SPATA22: variants seen among roughly 807,000 people sequenced by gnomAD.
SPATA22 encodes spermatogenesis-associated protein 22.
In SPATA22, 29 loss-of-function variants were observed where a neutral mutation model predicts 47.8. That is an observed-to-expected ratio of 0.61 (90% CI 0.45 to 0.83). SPATA22 has a LOEUF of 0.83. SPATA22 is among the 40% of genes least tolerant of loss of function. The pLI, the probability that SPATA22 is intolerant of heterozygous loss-of-function variation, is 0.00. For missense variants in SPATA22, 410 were observed against 421.7 expected, an observed-to-expected ratio of 0.97 and a Z score of 0.24; for synonymous variants, 133 against 140.9, an observed-to-expected ratio of 0.94 and a Z score of 0.40.
At chr17:3,458,719 T>C (rs1461256145) in intron 5 of SPATA22, among the ~76,000 whole-genome samples, 1 of 151,922 alleles carries the variant, frequency 6.6e-6, no homozygotes, top group Non-Finnish European at 1.5e-5. Flanking sequence ...CACATGCCTA[T>C]AATCCCAGTT....
upstream of SPATA22, chr17:3,475,859 C>T (rs186317878): frequency 2.2e-5 from 8 of 367,194 alleles, no homozygotes; most frequent in Admixed American, 1.7e-4. Flanking sequence ...TAATTTATTA[C>T]TGTATTTAGA....
At chr17:3,465,432 T>A (rs1424746922) in intron 3 of SPATA22, among the ~76,000 whole-genome samples, 1 of 152,054 alleles carries the variant, frequency 6.6e-6, no homozygotes, top group Non-Finnish European at 1.5e-5. Context: ...TGTTCTGTAC[T>A]AAGAAAAATT....
At chr17:3,459,472 C>G (rs146139053) in intron 5 of SPATA22, among the ~76,000 whole-genome samples, 6,648 of 152,222 alleles carry the variant, frequency 0.044, 285 homozygotes, top group East Asian at 0.11. Flanking sequence ...GTGGCAGGAT[C>G]TCAGCTCACT....
At position 3,507,201 on chromosome 17, in the gene SPATA22, T is replaced by C. The variant is rs532106863; in HGVS notation, c.-74+6211A>G. 9.7e-4 allele frequency among the ~76,000 whole-genome samples: 147 copies of C among 152,222 alleles called. 1 individual carries two copies. Among genetic ancestry groups the C allele is most frequent in the African/African-American group, 3.5e-3 (144 of 41,534 alleles). On this transcript the variant is annotated intron_variant, in intron 1 of 8. Transcript: ENST00000541913. ...ATGGTGGGGTCACAGGTTTAAGAAGTATGATGGTTTTGAAATAACAAAATA... is the reference window on the plus strand; with the variant it reads ...ATGGTGGGGTCACAGGTTTAAGAAGCATGATGGTTTTGAAATAACAAAATA...
chr17:3,492,076 C>A (rs2073835841), intron 1 of SPATA22, among the ~76,000 whole-genome samples: 1 of 151,980 alleles, frequency 6.6e-6, no homozygotes, highest in East Asian at 1.9e-4. Context: ...AGGGTTTTGC[C>A]ACGTTGCCCA....
intron 1 of SPATA22, among the ~76,000 whole-genome samples, chr17:3,506,809 C>T (rs1385526816): frequency 6.6e-6 from 1 of 152,062 alleles, no homozygotes; most frequent in Non-Finnish European, 1.5e-5. Context: ...GGCTTGGTGG[C>T]GGGTGCCTGT....
chr17:3,465,404 A>C (rs1367602719), intron 3 of SPATA22, among the ~76,000 whole-genome samples: 8 of 151,852 alleles, frequency 5.3e-5, no homozygotes, highest in Admixed American at 1.3e-4. Context: ...AGAAGTAGAC[A>C]TGGGAGACTT....
At chr17:3,462,348 T>C (rs1351969273) in intron 5 of SPATA22, 135 bp downstream of exon 5, 3 of 614,146 alleles carry the variant, frequency 4.9e-6, no homozygotes, top group Non-Finnish European at 8.5e-6. Flanking sequence ...AATACTGCCA[T>C]AGTTGTTATT....
At chr17:3,458,465 A>ACTT (rs2073045707) in intron 5 of SPATA22, among the ~76,000 whole-genome samples, 1 of 152,166 alleles carries the variant, frequency 6.6e-6, no homozygotes, top group African/African-American at 2.4e-5. Context: ...TAACAATTCC[A>ACTT]CTTCTGGATG....
Position 3,440,075 on chromosome 17 carries a change from A to G in SPATA22, c.*72T>C. 1.0e-6 allele frequency: 1 copy of G among 984,726 alleles called. No individual in the cohort carries two copies. Among genetic ancestry groups the G allele is most frequent in the Non-Finnish European group, 1.4e-6 (1 of 694,954 alleles). 61.0% of individuals were successfully genotyped at this position (984,726 alleles called of 1,614,324 possible). On this transcript the variant is annotated 3_prime_UTR_variant, in exon 9 of 9. Coordinates refer to ENST00000572969, the MANE Select transcript of SPATA22 (RefSeq NM_001170698.2). ...AGTGAAATACAATAGTAGCTATAAA[A>G]CTATGGAGATGGTAAATTAAGCAAT...
intron 1 of SPATA22, among the ~76,000 whole-genome samples, chr17:3,506,967 AGAGAG>A (rs1468145914): frequency 1.3e-4 from 17 of 126,670 alleles, no homozygotes; most frequent in African/African-American, 4.9e-4. Context: ...AGAGAGAGAA[AGAGAG>A]AGAGAAGGAA....
chr17:3,467,689 C>A, intron 2 of SPATA22, 135 bp from the exon 3 acceptor site: 1 of 647,774 alleles, frequency 1.5e-6, no homozygotes. Context: ...TTTCTATAAC[C>A]TTAGAATGAT....
At chr17:3,445,194 T>C (rs1292369420) in intron 7 of SPATA22, among the ~76,000 whole-genome samples, 1 of 152,136 alleles carries the variant, frequency 6.6e-6, no homozygotes, top group Non-Finnish European at 1.5e-5. Context: ...TGAAATAAGA[T>C]GTTCTACCTC....
chr17:3,502,576 G>A (rs1217425298), intron 1 of SPATA22: 1 of 152,206 alleles, frequency 6.6e-6, no homozygotes, highest in Non-Finnish European at 1.5e-5. Flanking sequence ...AAATATGAAA[G>A]AGAAACAAGG....
chr17:3,481,641 G>A, intron 1 of SPATA22: 3 of 1,613,730 alleles, frequency 1.9e-6, no homozygotes, highest in African/African-American at 1.3e-5. Flanking sequence ...GAAGTGAGAA[G>A]GGCTCAAGAA....
chr17:3,454,572 A>G (rs1207765361), intron 5 of SPATA22, among the ~76,000 whole-genome samples: 1 of 151,600 alleles, frequency 6.6e-6, no homozygotes, highest in African/African-American at 2.4e-5. Flanking sequence ...TCCTTGCGAT[A>G]GTTTACTGAG....
intron 5 of SPATA22, among the ~76,000 whole-genome samples, chr17:3,453,104 C>T (rs1403615244): frequency 6.6e-6 from 1 of 152,094 alleles, no homozygotes; most frequent in Non-Finnish European, 1.5e-5. Flanking sequence ...CACTAAAGAA[C>T]ATACATGCAA....
intron 1 of SPATA22, among the ~76,000 whole-genome samples, chr17:3,497,305 A>AGCCT (rs1186124115): frequency 1.3e-5 from 2 of 152,192 alleles, no homozygotes; most frequent in African/African-American, 4.8e-5. Context: ...TCAGAGAAAT[A>AGCCT]GTTCTCAGCC....
chr17:3,463,811 TTCTATTCTAC>T (rs1273424365), intron 3 of SPATA22, among the ~76,000 whole-genome samples: 2 of 152,188 alleles, frequency 1.3e-5, no homozygotes, highest in Non-Finnish European at 2.9e-5. Context: ...TGGCTGTATT[TTCTATTCTAC>T]TCTATTCTCT....
Sources: gnomAD v4.1 joint callset for allele counts (sites outside exome capture counted in the v4.1 genomes callset) on GRCh38, gnomAD v4.1.1 for gene constraint, MANE v1.5 for transcripts, NCBI Gene and HGNC (gene_info 2026-07-23, HGNC 2026-07-21) for gene names.